Variants in ADAMTSL1 observed in about 807,000 individuals in gnomAD.
ADAMTSL1 encodes the protein ADAMTS-like protein 1.
In ADAMTSL1, 126 loss-of-function variants were observed where a neutral mutation model predicts 201.8. That is an observed-to-expected ratio of 0.62 (90% CI 0.54 to 0.72). The LOEUF is 0.72. ADAMTSL1 is among the 30% of genes least tolerant of loss of function. ADAMTSL1 has a pLI of 0.00. For synonymous variants in ADAMTSL1, 1,121 were observed against 903.4 expected (o/e 1.24, Z -4.32); for missense variants, 2,679 against 2,277.8 (o/e 1.18, Z -3.59).
intron 2 of ADAMTSL1, among the ~76,000 whole-genome samples, chr9:18,187,568 T>C (rs1185540126): frequency 6.6e-6 from 1 of 152,136 alleles, no homozygotes; most frequent in Non-Finnish European, 1.5e-5. Flanking sequence ...TACATTTATA[T>C]GATCATAGAG....
chr9:18,380,135 C>A (rs373296006), intron 2 of ADAMTSL1, among the ~76,000 whole-genome samples: 4 of 152,176 alleles, frequency 2.6e-5, no homozygotes, highest in African/African-American at 9.6e-5. Flanking sequence ...AGATTTCTCA[C>A]TGTTTATTTT....
intron 23 of ADAMTSL1, among the ~76,000 whole-genome samples, chr9:18,857,137 T>C (rs1287289276): frequency 6.6e-6 from 1 of 152,230 alleles, no homozygotes; most frequent in East Asian, 1.9e-4. Flanking sequence ...TCTTCTTTAA[T>C]ATACTTTTGT....
intron 2 of ADAMTSL1, among the ~76,000 whole-genome samples, chr9:18,272,545 G>A (rs1259804113): frequency 6.6e-6 from 1 of 152,178 alleles, no homozygotes; most frequent in African/African-American, 2.4e-5. Flanking sequence ...ACATAGGCAT[G>A]GGCAATGAAA....
intron 1 of ADAMTSL1, among the ~76,000 whole-genome samples, chr9:17,933,641 C>T (rs1488801298): frequency 5.9e-5 from 9 of 152,088 alleles, no homozygotes; most frequent in African/African-American, 2.2e-4. Flanking sequence ...GCTGGGGAGG[C>T]CTCAGGAAAC....
chr9:18,713,535 A>G (rs1389738127), intron 14 of ADAMTSL1, among the ~76,000 whole-genome samples: 3 of 152,126 alleles, frequency 2.0e-5, no homozygotes, highest in African/African-American at 4.8e-5. Context: ...GATCAATTCA[A>G]CAAGAAGAGC....
Position 18,829,740 on chromosome 9 carries a change from A to G in ADAMTSL1, c.4115-103A>G, listed in dbSNP as rs1824854810. 2.1e-6 allele frequency: 3 copies of G among 1,445,320 alleles called. No individual in the cohort carries two copies. The East Asian group carries it at 6.9e-5, about 33-fold the overall frequency. 89.5% of individuals were successfully genotyped at this position (1,445,320 alleles called of 1,614,324 possible). A position where few individuals can be genotyped will look rare whatever the true frequency, so the allele number is the denominator to read the frequency against. On this transcript the variant is annotated intron_variant, in intron 22 of 28. Coordinates refer to ENST00000380548, the MANE Select transcript of ADAMTSL1 (RefSeq NM_001040272.6). ...GCAACAATAGTAATGCCTATCTTACATATACGCATACATGTGCACACACAT... is the reference window on the plus strand; with the variant it reads ...GCAACAATAGTAATGCCTATCTTACGTATACGCATACATGTGCACACACAT...
chr9:18,053,521 G>A (rs1287559958), intron 1 of ADAMTSL1, among the ~76,000 whole-genome samples: 1 of 152,164 alleles, frequency 6.6e-6, no homozygotes, highest in African/African-American at 2.4e-5. Flanking sequence ...GAAAAATTGT[G>A]TATTGTAATA....
intron 2 of ADAMTSL1, among the ~76,000 whole-genome samples, chr9:18,515,473 G>C (rs923132699): frequency 6.6e-6 from 1 of 151,992 alleles, no homozygotes; most frequent in Non-Finnish European, 1.5e-5. Context: ...TAGCTGGGAC[G>C]ACAGGCATGA....
At chr9:18,887,774 C>G in intron 23 of ADAMTSL1, 57 bp from the exon 24 acceptor site, 1 of 1,468,816 alleles carries the variant, frequency 6.8e-7, no homozygotes, top group Non-Finnish European at 9.4e-7. Context: ...AACCAGTGCA[C>G]CAGCAATGTG....
rs1259117013 is a variant in ADAMTSL1, at chr9:18,843,676, C to G, written c.4249+13699C>G. Among the ~76,000 whole-genome samples the G allele has an allele frequency of 2.0e-5, 3 of 151,048 alleles. No individual in the cohort carries two copies. In the East Asian group the frequency reaches 5.8e-4, roughly 29 times the overall value. On this transcript the variant is annotated intron_variant, in intron 23 of 28. Coordinates refer to ENST00000380548, the MANE Select transcript of ADAMTSL1 (RefSeq NM_001040272.6). ...CCCCATCACTTTCAGGTACACCAAT[C>G]AGACGTAGATGTGGTCTTTTCACAT...
intron 2 of ADAMTSL1, among the ~76,000 whole-genome samples, chr9:18,451,560 C>T (rs1347876534): frequency 6.6e-6 from 1 of 152,206 alleles, no homozygotes; most frequent in African/African-American, 2.4e-5. Flanking sequence ...ATTTCTATTA[C>T]TCAACCAGCT....
chr9:18,463,929 C>A (rs1820903574), intron 2 of ADAMTSL1, among the ~76,000 whole-genome samples: 1 of 152,152 alleles, frequency 6.6e-6, no homozygotes, highest in African/African-American at 2.4e-5. Flanking sequence ...TTGGAGGAAT[C>A]AAACTTGTGC....
In ADAMTSL1 at chr9:18,710,804, A is replaced by G. The variant is rs370725570; in HGVS notation, c.1876+3756A>G. Among the ~76,000 whole-genome samples, 121 of 152,028 alleles carry G rather than the reference A, an allele frequency of 8.0e-4. 3 individuals carry two copies. The South Asian group carries it at 0.025, about 31-fold the overall frequency. ...TGTGGCTCCTTGTTGGATGGACACA[A>G]TCTTTACATCCAAACGTTAATGCAT... On this transcript the variant is annotated intron_variant, in intron 14 of 28. Transcript: ENST00000380548.
At chr9:18,575,074 A>C (rs1822622774) in intron 4 of ADAMTSL1, among the ~76,000 whole-genome samples, 1 of 152,210 alleles carries the variant, frequency 6.6e-6, no homozygotes, top group South Asian at 2.1e-4. Flanking sequence ...TGCCTTTTCC[A>C]ACATGGTGTC....
intron 1 of ADAMTSL1, among the ~76,000 whole-genome samples, chr9:18,481,115 G>A (rs1821707565): frequency 2.0e-5 from 3 of 152,158 alleles, no homozygotes; most frequent in South Asian, 4.1e-4. Context: ...TCACAGAGAG[G>A]GAACAGACTC....
intron 20 of ADAMTSL1, among the ~76,000 whole-genome samples, chr9:18,797,215 C>T (rs567895534): frequency 5.9e-5 from 9 of 152,320 alleles, no homozygotes; most frequent in South Asian, 2.1e-4. Flanking sequence ...GGAGCTGCAT[C>T]CTTGCACCTT....
intron 1 of ADAMTSL1, among the ~76,000 whole-genome samples, chr9:18,041,586 AATC>A (rs1821427571): frequency 6.6e-6 from 1 of 152,158 alleles, no homozygotes; most frequent in Non-Finnish European, 1.5e-5. Flanking sequence ...TGGAGGACAG[AATC>A]ATCATAAAAA....
rs759745074 is a variant in ADAMTSL1 at position 18,710,332 on chromosome 9, C to G, written c.1876+3284C>G. 1.5e-4 allele frequency among the ~76,000 whole-genome samples: 23 copies of G among 152,340 alleles called. 1 individual carries two copies. The highest frequency in any genetic ancestry group is 1.2e-3 in the Admixed American group (19 of 15,306). On this transcript the variant is annotated intron_variant, in intron 14 of 28. Transcript: ENST00000380548. ...AAGATACTCCTTAATTATGACAGAA[C>G]TTCTGTCCTTAGTTTCACCCACCAC...
chr9:18,519,058 C>G (rs1407044752), intron 2 of ADAMTSL1, among the ~76,000 whole-genome samples: 1 of 152,164 alleles, frequency 6.6e-6, no homozygotes, highest in Non-Finnish European at 1.5e-5. Context: ...CCCATACTCA[C>G]CTGTGAAAAT....
Sources: gnomAD v4.1 joint callset for allele counts (sites outside exome capture counted in the v4.1 genomes callset) on GRCh38, gnomAD v4.1.1 for gene constraint, MANE v1.5 for transcripts, NCBI Gene and HGNC (gene_info 2026-07-23, HGNC 2026-07-21) for gene names.